Variants in GRM5 observed in about 807,000 individuals in gnomAD.
GRM5 encodes the protein glutamate metabotropic receptor 5, also known as metabotropic glutamate receptor 5.
In GRM5, 19 loss-of-function variants were observed where a neutral mutation model predicts 83.1. That is an observed-to-expected ratio of 0.23 (90% CI 0.16 to 0.34). The LOEUF (loss-of-function observed/expected upper bound fraction) is 0.34, where lower values mean the gene tolerates loss of function less well. Ranked by LOEUF, GRM5 falls within the 10% of genes least tolerant of loss-of-function variation. The probability of loss-of-function intolerance (pLI) is 1.00; values close to 1 mark genes in which losing one functional copy is unlikely to be tolerated. For missense variants in GRM5, 1,160 were observed against 1,588.3 expected (o/e 0.73, Z 4.58); for synonymous variants, 675 against 633.6 (o/e 1.07, Z -0.98).
chr11:89,056,701 A>T (rs1253848748), intron 1 of GRM5, among the ~76,000 whole-genome samples: 3 of 152,140 alleles, frequency 2.0e-5, no homozygotes, highest in Non-Finnish European at 4.4e-5. Flanking sequence ...ATGATAAAAA[A>T]GCTTTTAAAA....
At chr11:88,772,370 T>C (rs1377971229) in intron 3 of GRM5, among the ~76,000 whole-genome samples, 1 of 149,028 alleles carries the variant, frequency 6.7e-6, no homozygotes, top group Non-Finnish European at 1.5e-5. Flanking sequence ...CTTACATTCC[T>C]TTTTGAAAAC....
intron 2 of GRM5, among the ~76,000 whole-genome samples, chr11:88,877,108 C>A (rs1012469797): frequency 6.6e-6 from 1 of 151,850 alleles, no homozygotes; most frequent in Non-Finnish European, 1.5e-5. Flanking sequence ...TCAAATGGAA[C>A]AAAATTACAG....
intron 3 of GRM5, among the ~76,000 whole-genome samples, chr11:88,712,708 T>A (rs985651563): frequency 6.6e-6 from 1 of 152,042 alleles, no homozygotes; most frequent in East Asian, 1.9e-4. Flanking sequence ...GGCCATGTCA[T>A]TGATAGTCAG....
chr11:88,642,163 G>A (rs1257396080), intron 4 of GRM5, among the ~76,000 whole-genome samples: 2 of 152,138 alleles, frequency 1.3e-5, no homozygotes, highest in African/African-American at 4.8e-5. Context: ...AACACCATGT[G>A]GAAGCCACCA....
At chr11:88,902,950 CAA>C (rs201996144) in intron 2 of GRM5, among the ~76,000 whole-genome samples, 17 of 61,890 alleles carry the variant, frequency 2.7e-4, no homozygotes, top group Admixed American at 4.2e-4. Context: ...GACTCCATCT[CAA>C]AAAAAAAAAA....
intron 2 of GRM5, among the ~76,000 whole-genome samples, chr11:89,007,691 T>C (rs932020925): frequency 6.6e-6 from 1 of 152,168 alleles, no homozygotes; most frequent in African/African-American, 2.4e-5. Context: ...GCATGATGAA[T>C]AGCTCAATGT....
intron 4 of GRM5, among the ~76,000 whole-genome samples, chr11:88,629,881 A>G (rs1054950613): frequency 2.6e-5 from 4 of 152,178 alleles, no homozygotes; most frequent in Non-Finnish European, 5.9e-5. Flanking sequence ...AGTAAAAGCC[A>G]AAGTCAGCAC....
chr11:88,960,770 G>T (rs1042500413), intron 2 of GRM5, among the ~76,000 whole-genome samples: 7 of 152,036 alleles, frequency 4.6e-5, no homozygotes, highest in South Asian at 2.1e-4. Flanking sequence ...AAGTAAAGGA[G>T]ACCACTAAAA....
rs377182090 is a variant in GRM5, at chr11:88,879,217, A to G, written c.662-29062T>C. Among the ~76,000 whole-genome samples, 19 of 152,228 alleles carry G rather than the reference A, an allele frequency of 1.2e-4. No individual in the cohort carries two copies. In the East Asian group the frequency reaches 1.9e-3, roughly 15 times the overall value. ...AAAAGGGGTTATGAGTGCAAATTGA[A>G]TAGATTAAATAGATTAAAATGTAAC... On this transcript the variant is annotated intron_variant, in intron 2 of 9. Transcript: ENST00000305447.
intron 2 of GRM5, among the ~76,000 whole-genome samples, chr11:89,036,372 C>A (rs1303438239): frequency 6.6e-6 from 1 of 152,164 alleles, no homozygotes; most frequent in East Asian, 1.9e-4. Context: ...ACTTTCCTGA[C>A]CAATTCTCCA....
chr11:88,648,553 A>T (rs1431250377), intron 4 of GRM5, among the ~76,000 whole-genome samples: 1 of 134,556 alleles, frequency 7.4e-6, no homozygotes, highest in Non-Finnish European at 1.6e-5. Flanking sequence ...ACCTAATGCT[A>T]GATGACGAGT....
At chr11:88,697,009 T>C (rs1940920250) in intron 3 of GRM5, among the ~76,000 whole-genome samples, 1 of 152,222 alleles carries the variant, frequency 6.6e-6, no homozygotes, top group Admixed American at 6.5e-5. Flanking sequence ...CTTAAGCACA[T>C]ATCCTTTTTT....
chr11:88,658,172 G>A (rs1343766440), intron 3 of GRM5, among the ~76,000 whole-genome samples: 2 of 152,116 alleles, frequency 1.3e-5, no homozygotes, highest in Non-Finnish European at 2.9e-5. Context: ...CTGTACACGT[G>A]AGGGAGCTAG....
intron 4 of GRM5, among the ~76,000 whole-genome samples, chr11:88,610,946 G>A (rs1938295973): frequency 6.6e-6 from 1 of 151,988 alleles, no homozygotes; most frequent in Non-Finnish European, 1.5e-5. Flanking sequence ...TGAATTTTAT[G>A]GAAGGCTTTT....
intron 1 of GRM5, among the ~76,000 whole-genome samples, chr11:89,059,698 C>T (rs1406706801): frequency 6.6e-6 from 1 of 152,100 alleles, no homozygotes; most frequent in East Asian, 1.9e-4. Flanking sequence ...GAAAACTCGA[C>T]ATCCAAAGGC....
At chr11:88,679,129 C>T (rs1422347380) in intron 3 of GRM5, among the ~76,000 whole-genome samples, 1 of 152,068 alleles carries the variant, frequency 6.6e-6, no homozygotes, top group African/African-American at 2.4e-5. Context: ...AATTACAGAA[C>T]AGAGGCAAAA....
Position 88,508,479 on chromosome 11 carries a change from C to T in GRM5, c.*113G>A. Reference sequence around the variant, plus strand: ...ATCTCGTGTTTCCATTAAGGGGTGCCCTTGGCATCTTCCCCCTGGGCCGTA... The same window carrying T: ...ATCTCGTGTTTCCATTAAGGGGTGCTCTTGGCATCTTCCCCCTGGGCCGTA... On this transcript the variant is annotated 3_prime_UTR_variant, in exon 10 of 10. Transcript: ENST00000305447. This position sits in a 1 kb window ranked among gnomAD's most constrained non-coding sequence, Gnocchi z 4.2. The T allele has an allele frequency of 1.3e-6, 1 of 743,102 alleles. No homozygotes were observed. Among genetic ancestry groups the T allele is most frequent in the Non-Finnish European group, 2.2e-6 (1 of 464,480 alleles). 46.0% of individuals were successfully genotyped at this position (743,102 alleles called of 1,614,324 possible).
chr11:88,744,049 T>G (rs570684870), intron 3 of GRM5, among the ~76,000 whole-genome samples: 17 of 152,268 alleles, frequency 1.1e-4, no homozygotes, highest in African/African-American at 3.6e-4. Flanking sequence ...AGAAGCATAC[T>G]AGTAAGGTTC....
At position 88,508,005 on chromosome 11, in the gene GRM5, TATGC is replaced by T. The variant is rs1941225107; in HGVS notation, c.*583_*586del. ...CAGCACTCACTATCCAGTAGTGTGTTATGCATGGGACACATTCACAACGCCTCCG... is the reference window on the plus strand; with the variant it reads ...CAGCACTCACTATCCAGTAGTGTGTTATGGGACACATTCACAACGCCTCCG... On this transcript the variant is annotated 3_prime_UTR_variant, in exon 10 of 10. Coordinates refer to ENST00000305447, the MANE Select transcript of GRM5 (RefSeq NM_001143831.3). This position sits in a 1 kb window ranked among gnomAD's most constrained non-coding sequence, Gnocchi z 4.2. The T allele has an allele frequency of 6.5e-6, 1 of 152,896 alleles. No individual in the cohort carries two copies. The highest frequency in any genetic ancestry group is 2.4e-5 in the African/African-American group (1 of 41,430). 9.5% of individuals were successfully genotyped at this position (152,896 alleles called of 1,614,324 possible). A position where few individuals can be genotyped will look rare whatever the true frequency, so the allele number is the denominator to read the frequency against.
Sources: gnomAD v4.1 joint callset for allele counts (sites outside exome capture counted in the v4.1 genomes callset) on GRCh38, gnomAD v4.1.1 for gene constraint, Gnocchi (gnomAD v3.1) non-coding constraint, MANE v1.5 for transcripts, NCBI Gene and HGNC (gene_info 2026-07-23, HGNC 2026-07-21) for gene names.